Variants in FRY observed in about 807,000 individuals in gnomAD.
The protein encoded by FRY is FRY microtubule binding protein, also known as protein furry homolog.
FRY carries 128 observed loss-of-function variants against 348.4 expected under a neutral mutation model. The ratio of observed to expected loss-of-function variants is 0.37; its 90% CI spans 0.32 to 0.43. The LOEUF (loss-of-function observed/expected upper bound fraction) is 0.43. FRY is among the 20% of genes least tolerant of loss of function. The pLI, the probability that FRY is intolerant of heterozygous loss-of-function variation, is 1.00. For missense variants in FRY, 2,736 were observed against 3,695.2 expected (o/e 0.74, Z 6.73); for synonymous variants, 1,370 against 1,374.7 (o/e 1.00, Z 0.08).
chr13:32,170,104 A>C (rs1281688154), intron 17 of FRY, among the ~76,000 whole-genome samples: 1 of 152,182 alleles, frequency 6.6e-6, no homozygotes, highest in Non-Finnish European at 1.5e-5. Context: ...ACATTGCCAG[A>C]TATCCCAAGG....
intron 40 of FRY, 90 bp downstream of exon 40, chr13:32,228,744 C>T: frequency 9.2e-7 from 1 of 1,088,188 alleles, no homozygotes; most frequent in African/African-American, 1.5e-5. Context: ...GAAAAGTGAT[C>T]CTGGGGTTCT....
At chr13:32,146,298 T>C (rs1880445119) in intron 11 of FRY, among the ~76,000 whole-genome samples, 1 of 152,074 alleles carries the variant, frequency 6.6e-6, no homozygotes, top group Admixed American at 6.5e-5. Flanking sequence ...GGATTTAAGG[T>C]TCATCTGAGT....
intron 18 of FRY, 118 bp from the exon 19 acceptor site, chr13:32,173,249 T>C (rs1460020416): frequency 1.4e-6 from 1 of 726,680 alleles, no homozygotes; most frequent in Non-Finnish European, 2.5e-6. Flanking sequence ...TTCTAAACCA[T>C]GGTCATTTAT....
chr13:32,062,481 T>G (rs894366758), intron 1 of FRY, among the ~76,000 whole-genome samples: 2 of 152,140 alleles, frequency 1.3e-5, no homozygotes, highest in African/African-American at 4.8e-5. Flanking sequence ...GTATTAAACT[T>G]TACTATAAAG....
intron 1 of FRY, among the ~76,000 whole-genome samples, chr13:32,057,307 G>A (rs1244889096): frequency 6.6e-6 from 1 of 152,042 alleles, no homozygotes; most frequent in Non-Finnish European, 1.5e-5. Context: ...CAGTAGCTGG[G>A]ATTACAGGCA....
intron 3 of FRY, among the ~76,000 whole-genome samples, chr13:32,110,544 G>A (rs1288835833): frequency 6.6e-6 from 1 of 151,804 alleles, no homozygotes; most frequent in Non-Finnish European, 1.5e-5. Flanking sequence ...TTACCTGTTG[G>A]AGATTGTATT....
At chr13:32,213,792 G>C (rs1884820320) in intron 35 of FRY, among the ~76,000 whole-genome samples, 1 of 152,126 alleles carries the variant, frequency 6.6e-6, no homozygotes, top group South Asian at 2.1e-4. Flanking sequence ...GCCTGTTTAG[G>C]GCCAGAGTTC....
intron 51 of FRY, among the ~76,000 whole-genome samples, chr13:32,256,733 C>A (rs971246795): frequency 3.9e-5 from 6 of 152,208 alleles, no homozygotes; most frequent in South Asian, 2.1e-4. Flanking sequence ...TCATCTCTGC[C>A]ACTGACCTTA....
At chr13:32,201,391 C>T (rs1267803695) in intron 29 of FRY, among the ~76,000 whole-genome samples, 1 of 152,308 alleles carries the variant, frequency 6.6e-6, no homozygotes, top group East Asian at 1.9e-4. Flanking sequence ...TCCAACAACA[C>T]TCATCAGAAC....
chr13:32,201,313 A>C (rs947828665), intron 29 of FRY, among the ~76,000 whole-genome samples: 1 of 152,124 alleles, frequency 6.6e-6, no homozygotes, highest in Non-Finnish European at 1.5e-5. Context: ...CTCTTCAGAA[A>C]AGACTTCTCT....
At chr13:32,079,670 T>C (rs962801761) in intron 2 of FRY, among the ~76,000 whole-genome samples, 8 of 152,210 alleles carry the variant, frequency 5.3e-5, no homozygotes, top group Non-Finnish European at 5.9e-5. Context: ...GGCATGAGTC[T>C]GCCTTACATT....
At chr13:32,278,626 G>T (rs1199377382) in intron 58 of FRY, 78 bp downstream of exon 58, 3 of 836,218 alleles carry the variant, frequency 3.6e-6, no homozygotes, top group Non-Finnish European at 6.4e-6. Context: ...AAGAAGCCTG[G>T]AACTTGAGAA....
intron 51 of FRY, chr13:32,257,905 T>C: frequency 6.9e-7 from 1 of 1,447,758 alleles, no homozygotes; most frequent in Non-Finnish European, 9.7e-7. Context: ...GTATCTTTAA[T>C]ATAATCATTG....
At chr13:32,200,638 T>G (rs113602909) in intron 29 of FRY, among the ~76,000 whole-genome samples, 4,099 of 152,304 alleles carry the variant, frequency 0.027, 70 homozygotes, top group Non-Finnish European at 0.034. Context: ...GTTTTCTACT[T>G]ACGACTTCTT....
chr13:32,179,875 G>T, intron 23 of FRY, 76 bp downstream of exon 23: 1 of 1,432,826 alleles, frequency 7.0e-7, no homozygotes, highest in Non-Finnish European at 9.8e-7. Context: ...ACTCAGATTT[G>T]AGTCTGTGTG....
intron 35 of FRY, among the ~76,000 whole-genome samples, chr13:32,214,344 C>T (rs1043502886): frequency 2.0e-5 from 3 of 152,232 alleles, no homozygotes; most frequent in African/African-American, 7.2e-5. Context: ...CCAAGCTTGT[C>T]CAACCTGCGG....
chr13:32,253,946 T>TACACAC (rs10627998), intron 50 of FRY, among the ~76,000 whole-genome samples: 2 of 151,086 alleles, frequency 1.3e-5, no homozygotes, highest in Non-Finnish European at 3.0e-5. Flanking sequence ...CACACACACA[T>TACACAC]ACACACACAC....
intron 24 of FRY, among the ~76,000 whole-genome samples, 180 bp downstream of exon 24, chr13:32,183,214 T>C (rs1021456033): frequency 1.3e-5 from 2 of 152,256 alleles, no homozygotes; most frequent in African/African-American, 2.4e-5. Flanking sequence ...TAGTATAAAA[T>C]GGTTCTATAG....
chr13:32,206,121 G>A (rs1884335685), intron 31 of FRY, among the ~76,000 whole-genome samples: 1 of 152,000 alleles, frequency 6.6e-6, no homozygotes, highest in Non-Finnish European at 1.5e-5. Context: ...CTGAACTGAG[G>A]GAGGTCAGTG....
Sources: gnomAD v4.1 joint callset for allele counts (sites outside exome capture counted in the v4.1 genomes callset) on GRCh38, gnomAD v4.1.1 for gene constraint, MANE v1.5 for transcripts, NCBI Gene and HGNC (gene_info 2026-07-23, HGNC 2026-07-21) for gene names.